LZTR1: variants seen among roughly 807,000 people sequenced by gnomAD.
The protein encoded by LZTR1 is leucine-zipper-like transcriptional regulator 1.
In LZTR1, 260 loss-of-function variants were observed where a neutral mutation model predicts 105.7. That is an observed-to-expected ratio of 2.46 (90% CI 2.22 to 2.72). The LOEUF is 2.72. Among genes scored for constraint, LZTR1 ranks in the 30% most tolerant of loss-of-function variants. The pLI, the probability that LZTR1 is intolerant of heterozygous loss-of-function variation, is 0.00. For missense variants in LZTR1, 1,214 were observed against 1,166.9 expected (o/e 1.04, Z -0.59); for synonymous variants, 490 against 476.4 (o/e 1.03, Z -0.37).
Position 20,993,727 on chromosome 22 carries a change from C to G in LZTR1, c.1326C>G (p.Phe442Leu), listed in dbSNP as rs1374050824. 6.2e-7 allele frequency: 1 copy of G among 1,613,484 alleles called. No individual in the cohort carries two copies. The highest frequency in any genetic ancestry group is 2.2e-5 in the East Asian group (1 of 44,874). ...GGCGGCTGTGGGAGAGCCGCCAGTT[C>G]TGCGACGTGGAGTTCGTGCTGGGTG... ...DYGRLWESRQ[F>L]CDVEFVLGEK... The change falls in exon 12 of 21, where the codon TTC becomes TTG. Residue 442 changes from phenylalanine to leucine, a missense_variant. By Grantham distance (22) the Phe-to-Leu change is conservative. Coordinates refer to ENST00000646124, the MANE Select transcript of LZTR1 (RefSeq NM_006767.4).
In LZTR1 at chr22:20,993,732, A is replaced by G; in HGVS notation, c.1331A>G (p.Asp444Gly). 2 of 1,613,402 alleles carry G rather than the reference A, an allele frequency of 1.2e-6. No homozygotes were observed. Among genetic ancestry groups the G allele is most frequent in the East Asian group, 2.2e-5 (1 of 44,874 alleles). Residue 444 changes from aspartate (D) to glycine (G), a missense_variant, in exon 12 of 21, where the codon GAC becomes GGC. Physicochemically the swap from Asp to Gly is moderately conservative, Grantham distance 94. Transcript: ENST00000646124. ...GRLWESRQFC[D>G]VEFVLGEKEE... is the part of the protein sequence containing the mutation. ...CTGTGGGAGAGCCGCCAGTTCTGCGACGTGGAGTTCGTGCTGGGTGAGGTG... is the reference window on the plus strand; with the variant it reads ...CTGTGGGAGAGCCGCCAGTTCTGCGGCGTGGAGTTCGTGCTGGGTGAGGTG...
Position 20,988,121 on chromosome 22 carries a change from G to A in LZTR1, c.509+3G>A. On this transcript the variant is annotated splice_donor_region_variant and intron_variant, in intron 5 of 20. Coordinates refer to ENST00000646124, the MANE Select transcript of LZTR1 (RefSeq NM_006767.4). ...ACGGAGTGGAAAATTGAAGGACGGT[G>A]AGAAACTTTGCAGAAACATTTGGGA... 1.9e-6 allele frequency: 3 copies of A among 1,590,636 alleles called. No homozygotes were observed. Among genetic ancestry groups the A allele is most frequent in the Non-Finnish European group, 2.6e-6 (3 of 1,158,834 alleles).
In LZTR1 at chr22:20,985,835, T is replaced by A; in HGVS notation, c.264-6T>A. ...AATGCCACCCTCTCTTCCGGCTGCC[T>A]TTCAGGAAGACCATGCTCAATGACC... On this transcript the variant is annotated splice_polypyrimidine_tract_variant and splice_region_variant and intron_variant, in intron 2 of 20. Coordinates refer to ENST00000646124, the MANE Select transcript of LZTR1 (RefSeq NM_006767.4). The A allele has an allele frequency of 6.2e-7, 1 of 1,614,040 alleles. No individual in the cohort carries two copies. Among genetic ancestry groups the A allele is most frequent in the Non-Finnish European group, 8.5e-7 (1 of 1,179,954 alleles).
chr22:20,989,321 A>T (rs1924512294), intron 6 of LZTR1, among the ~76,000 whole-genome samples: 1 of 152,258 alleles, frequency 6.6e-6, no homozygotes, highest in African/African-American at 2.4e-5. Context: ...TGATGGTGGC[A>T]TCTGGGATAT....
At chr22:20,994,061 CTGGTGTCCACTG>C in intron 13 of LZTR1, 31 bp from the exon 14 acceptor site, 7 of 1,585,304 alleles carry the variant, frequency 4.4e-6, no homozygotes, top group Non-Finnish European at 6.0e-6. Context: ...GCAGCCATGC[CTGGTGTCCACTG>C]GGGTGTCCTT....
rs1381717741 is a variant in LZTR1 at position 20,994,270 on chromosome 22, G to A, written c.1615+1G>A. ...GACAAGATCAAATACCCACGGAAAG[G>A]TCCGCCTGGGTGGGGGTGGAGCAGG... is the stretch of plus-strand genomic sequence containing the variant. On this transcript the variant is annotated splice_donor_variant, in intron 14 of 20. Coordinates refer to ENST00000646124, the MANE Select transcript of LZTR1 (RefSeq NM_006767.4). LOFTEE classifies it high-confidence loss of function. The A allele has an allele frequency of 1.3e-6, 2 of 1,597,408 alleles. No individual in the cohort carries two copies. The highest frequency in any genetic ancestry group is 1.7e-6 in the Non-Finnish European group (2 of 1,179,026).
Position 20,989,440 on chromosome 22 carries a change from C to G in LZTR1, c.594-185C>G, listed in dbSNP as rs533972035. Among the ~76,000 whole-genome samples, 6 of 152,244 alleles carry G rather than the reference C, an allele frequency of 3.9e-5. No individual in the cohort carries two copies. The South Asian group carries it at 6.2e-4, about 16-fold the overall frequency. On this transcript the variant is annotated intron_variant, in intron 6 of 20. Transcript: ENST00000646124. ...TGTTCTGTCTGGGCCGGGCAGGGGGCCTGGCACAGCAGGGATTTGAGGCAG... is the reference window on the plus strand; with the variant it reads ...TGTTCTGTCTGGGCCGGGCAGGGGGGCTGGCACAGCAGGGATTTGAGGCAG...
In LZTR1 at chr22:20,997,297, G is replaced by T. The variant is rs1178592357; in HGVS notation, c.2472G>T (p.Leu824=). The change falls in exon 21 of 21, where the codon CTG becomes CTT. Residue 824 remains leucine (L), a synonymous_variant. Transcript: ENST00000646124. ...QQLLLDIIDS[L]ASHISDKQCA... is the part of the protein sequence containing the mutation. ...TGCTGCTGGACATCATAGACTCCCT[G>T]GCCTCCCACATCTCAGACAAGCAGT... 3 of 1,613,834 alleles carry T rather than the reference G, an allele frequency of 1.9e-6. No homozygotes were observed. Among genetic ancestry groups the T allele is most frequent in the Non-Finnish European group, 2.5e-6 (3 of 1,180,008 alleles).
intron 2 of LZTR1, among the ~76,000 whole-genome samples, chr22:20,985,359 C>T (rs1924342074): frequency 6.6e-6 from 1 of 152,100 alleles, no homozygotes; most frequent in African/African-American, 2.4e-5. Flanking sequence ...CGAGCCCAGC[C>T]CATTGTCTCT....
In LZTR1 at chr22:20,985,855, A is replaced by G; in HGVS notation, c.278A>G (p.Asn93Ser). The change falls in exon 3 of 21, where the codon AAT becomes AGT. Residue 93 changes from asparagine (N) to serine (S), a missense_variant. Coordinates refer to ENST00000646124, the MANE Select transcript of LZTR1 (RefSeq NM_006767.4). Reference protein sequence around the residue: ...FGGDNGKTMLNDLLRFDVKDC... With the variant: ...FGGDNGKTMLSDLLRFDVKDC... Reference sequence around the variant, plus strand: ...CTGCCTTTCAGGAAGACCATGCTCAATGACCTCCTGCGGTTCGATGTGAAA... The same window carrying G: ...CTGCCTTTCAGGAAGACCATGCTCAGTGACCTCCTGCGGTTCGATGTGAAA... 3 of 1,614,156 alleles carry G rather than the reference A, an allele frequency of 1.9e-6. No homozygotes were observed. Among genetic ancestry groups the G allele is most frequent in the East Asian group, 2.2e-5 (1 of 44,890 alleles).
At chr22:20,994,427 C>A in intron 14 of LZTR1, 131 bp from the exon 15 acceptor site, 1 of 1,251,854 alleles carries the variant, frequency 8.0e-7, no homozygotes, top group Non-Finnish European at 1.1e-6. Context: ...AGCTGGACGC[C>A]ATCTGAGTCC....
intron 2 of LZTR1, among the ~76,000 whole-genome samples, chr22:20,984,014 C>G (rs1924288634): frequency 6.6e-6 from 1 of 152,202 alleles, no homozygotes; most frequent in South Asian, 2.1e-4. Context: ...GCACGGGCTG[C>G]CTTGCTATGT....
rs200658445 is a variant in LZTR1, at chr22:20,997,338, C to T, written c.2513C>T (p.Ala838Val). 1.9e-6 allele frequency: 3 copies of T among 1,612,318 alleles called. No individual in the cohort carries two copies. The highest frequency in any genetic ancestry group is 2.5e-6 in the Non-Finnish European group (3 of 1,179,024). The change falls in exon 21 of 21, where the codon GCC (alanine) becomes GTC (valine). Residue 838 changes from alanine (A) to valine (V), a missense_variant. By Grantham distance (64) the Ala-to-Val change is moderately conservative. Coordinates refer to ENST00000646124, the MANE Select transcript of LZTR1 (RefSeq NM_006767.4). ...ISDKQCAELG[A>V]DI The stretch of plus-strand genomic sequence containing the variant: ...GACAAGCAGTGCGCAGAGCTGGGCG[C>T]CGACATCTGAGGCCCTGTGGCGCCT...
rs753997203 is a variant in LZTR1, at chr22:20,982,442, TA to T, written c.72del (p.Ala25ProfsTer17). The T allele has an allele frequency of 6.3e-7, 1 of 1,589,092 alleles. No individual in the cohort carries two copies. Among genetic ancestry groups the T allele is most frequent in the South Asian group, 1.1e-5 (1 of 87,838 alleles). On this transcript the variant is annotated frameshift_variant, in exon 1 of 21. Coordinates refer to ENST00000646124, the MANE Select transcript of LZTR1 (RefSeq NM_006767.4). LOFTEE classifies it high-confidence loss of function. The part of the protein sequence containing the change: ...AALAGGARSK[V>X]APSVDFDHSC... ...CTGGCAGGCGGCGCGCGGTCCAAGGTAGCCCCGAGCGTGGACTTCGACCATA... is the reference window on the plus strand; with the variant it reads ...CTGGCAGGCGGCGCGCGGTCCAAGGTGCCCCGAGCGTGGACTTCGACCATA...
At chr22:20,989,525 TG>T in intron 6 of LZTR1, 99 bp from the exon 7 acceptor site, 3 of 939,206 alleles carry the variant, frequency 3.2e-6, no homozygotes, top group Admixed American at 1.7e-5. Context: ...CTACCCTGTG[TG>T]GGGGTGGGGC....
intron 9 of LZTR1, among the ~76,000 whole-genome samples, 192 bp downstream of exon 9, chr22:20,992,021 C>A (rs1439979100): frequency 6.6e-6 from 1 of 152,242 alleles, no homozygotes; most frequent in Non-Finnish European, 1.5e-5. Context: ...CCACAGCCTG[C>A]AGGTAGTTAA....
chr22:20,992,407 C>G, intron 10 of LZTR1, 38 bp downstream of exon 10: 1 of 1,586,520 alleles, frequency 6.3e-7, no homozygotes, highest in Non-Finnish European at 8.6e-7. Context: ...CCATCACCCC[C>G]TGAAACAGGT....
rs1924879202 is a variant in LZTR1 at position 20,996,949 on chromosome 22, G to A, written c.2389G>A (p.Val797Met). 2 of 1,613,624 alleles carry A rather than the reference G, an allele frequency of 1.2e-6. No homozygotes were observed. The highest frequency in any genetic ancestry group is 2.2e-5 in the South Asian group (2 of 91,094). Reference sequence around the variant, plus strand: ...GAAGCGGCACTGCCTGCACATCATTGTGCACCAGTTCACCAAGGTCAGGGC... The same window carrying A: ...GAAGCGGCACTGCCTGCACATCATTATGCACCAGTTCACCAAGGTCAGGGC... ...DMKRHCLHII[V>M]HQFTKVSKLP... Residue 797 changes from valine to methionine, a missense_variant, in exon 20 of 21, where the codon GTG (valine) becomes ATG (methionine). Val to Met is a conservative substitution (Grantham distance 21, BLOSUM62 1). Transcript: ENST00000646124.
intron 14 of LZTR1, 41 bp from the exon 15 acceptor site, chr22:20,994,517 C>T (rs199700404): frequency 6.3e-6 from 10 of 1,593,034 alleles, no homozygotes; most frequent in East Asian, 2.2e-5. Flanking sequence ...CCCTGCCCTC[C>T]CCTCTCCGGC....
Sources: allele counts gnomAD v4.1 joint callset (sites outside exome capture counted in the v4.1 genomes callset), GRCh38; gene constraint gnomAD v4.1.1; transcripts MANE v1.5; gene names NCBI Gene and HGNC (gene_info 2026-07-23, HGNC 2026-07-21).